TTLL10: variants seen among roughly 807,000 people sequenced by gnomAD.
The protein encoded by TTLL10 is tubulin tyrosine ligase like 10.
A neutral mutation model predicts 69.0 loss-of-function variants in TTLL10; 61 were observed. The ratio of observed to expected loss-of-function variants is 0.88; its 90% CI spans 0.72 to 1.09. The LOEUF is 1.09. TTLL10 is among the 50% of genes least tolerant of loss of function. The pLI is 0.00. For missense variants in TTLL10, 962 were observed against 945.9 expected (o/e 1.02, Z -0.22); for synonymous variants, 408 against 393.3 (o/e 1.04, Z -0.44).
intron 10 of TTLL10, 125 bp downstream of exon 10, chr1:1,182,571 G>A: frequency 9.4e-7 from 1 of 1,062,340 alleles, no homozygotes; most frequent in Non-Finnish European, 1.4e-6. Context: ...GACGAGACGA[G>A]GTGGTCAGGA....
rs113121529 is a variant in TTLL10 at position 1,185,962 on chromosome 1, G to A, written c.1401+853G>A. ...ACCTCAAAAAAGAAACACTACTAAC[G>A]AGCCATCACAGCTACATTGCCGGCC... On this transcript the variant is annotated intron_variant, in intron 13 of 15. Coordinates refer to ENST00000379289, the MANE Select transcript of TTLL10 (RefSeq NM_001130045.2). This position sits in a 1 kb window ranked among gnomAD's most constrained non-coding sequence, Gnocchi z 6.1. 187 of 465,376 alleles carry A rather than the reference G, an allele frequency of 4.0e-4. No individual in the cohort carries two copies. The highest frequency in any genetic ancestry group is 3.8e-3 in the African/African-American group (180 of 47,264). 28.8% of individuals were successfully genotyped at this position (465,376 alleles called of 1,614,324 possible).
In TTLL10 at chr1:1,182,947, G is replaced by A. The variant is rs1467593306; in HGVS notation, c.988G>A (p.Glu330Lys). The stretch of plus-strand genomic sequence containing the variant: ...AGGCATCTTCCTGCTCCGGAACCAG[G>A]AGGAAGTTGCCGCCCTGCAGGCCAA... Reference protein sequence around the residue: ...GKGIFLLRNQEEVAALQAKTR... With the variant: ...GKGIFLLRNQKEVAALQAKTR... The change falls in exon 11 of 16, where the codon GAG becomes AAG. Residue 330 changes from glutamate (E) to lysine (K), a missense_variant. Glu to Lys is a moderately conservative substitution (Grantham distance 56). Transcript: ENST00000379289. 1 of 1,602,310 alleles carries A rather than the reference G, an allele frequency of 6.2e-7. No individual in the cohort carries two copies. The highest frequency in any genetic ancestry group is 8.5e-7 in the Non-Finnish European group (1 of 1,175,124).
At chr1:1,194,142 C>G (rs1032942493) in intron 13 of TTLL10, among the ~76,000 whole-genome samples, 1 of 152,150 alleles carries the variant, frequency 6.6e-6, no homozygotes, top group African/African-American at 2.4e-5. Flanking sequence ...GGTGACAGAA[C>G]AAGACCCTGT....
chr1:1,185,359 A>G lies in TTLL10; in HGVS notation c.1401+250A>G, dbSNP rs1647241431. 7.4e-7 allele frequency: 1 copy of G among 1,352,530 alleles called. No individual in the cohort carries two copies. Among genetic ancestry groups the G allele is most frequent in the Admixed American group, 3.4e-5 (1 of 29,162 alleles). The allele number at this position is 1,352,530 out of a possible 1,614,324, so 83.8% of individuals were successfully genotyped here. The stretch of plus-strand genomic sequence containing the variant: ...GTCTGTCGGCACGAGTCCCGCGGGC[A>G]GCCTCGCCGTAGGGTCAGGGGACAG... On this transcript the variant is annotated intron_variant, in intron 13 of 15. Coordinates refer to ENST00000379289, the MANE Select transcript of TTLL10 (RefSeq NM_001130045.2). The surrounding 1 kb of genome is among the most constrained non-coding windows in gnomAD (Gnocchi z 6.1).
chr1:1,194,385 C>T (rs1233664514), intron 13 of TTLL10, among the ~76,000 whole-genome samples: 2 of 152,130 alleles, frequency 1.3e-5, no homozygotes, highest in Non-Finnish European at 1.5e-5. Context: ...AAAACAATCA[C>T]ATACAAAAAA....
chr1:1,184,983 G>A lies in TTLL10; in HGVS notation c.1275G>A (p.Lys425=), dbSNP rs745781510. 5 of 1,612,756 alleles carry A rather than the reference G, an allele frequency of 3.1e-6. No homozygotes were observed. In the East Asian group the frequency reaches 8.9e-5, roughly 29 times the overall value. Residue 425 remains lysine (K), a synonymous_variant, in exon 13 of 16, where the codon AAG becomes AAA. Coordinates refer to ENST00000379289, the MANE Select transcript of TTLL10 (RefSeq NM_001130045.2). The stretch of plus-strand genomic sequence containing the variant: ...TGTGCCCCCAGTTCATGCAGAAGAA[G>A]AGCCCTCTGTACATGCTGCTGAAGG... ...GHLTNQFMQK[K]SPLYMLLKEH...
chr1:1,194,252 CA>C (rs2100919985), intron 13 of TTLL10, among the ~76,000 whole-genome samples: 1 of 152,288 alleles, frequency 6.6e-6, no homozygotes, highest in East Asian at 1.9e-4. Flanking sequence ...TAAAAGTATA[CA>C]AAAACACTCC....
chr1:1,186,749 G>A (rs1647353055), intron 13 of TTLL10, among the ~76,000 whole-genome samples: 1 of 151,890 alleles, frequency 6.6e-6, no homozygotes, highest in African/African-American at 2.4e-5. Context: ...AACTTCATGT[G>A]TTCACTGGCC....
chr1:1,180,315 A>AT lies in TTLL10; in HGVS notation c.483dup (p.Gly162TrpfsTer23), dbSNP rs768310409. 13 of 1,582,368 alleles carry AT rather than the reference A, an allele frequency of 8.2e-6. No individual in the cohort carries two copies. The highest frequency in any genetic ancestry group is 9.4e-6 in the Non-Finnish European group (11 of 1,165,156). ...CACCCGGCCGGGGCCCTTCTTCTAC[A>AT]TTGGAGGCAGCAACGGGGCCACAAT... On this transcript the variant is annotated frameshift_variant, in exon 6 of 16. Coordinates refer to ENST00000379289, the MANE Select transcript of TTLL10 (RefSeq NM_001130045.2). LOFTEE classifies it high-confidence loss of function.
Position 1,197,074 on chromosome 1 carries a change from T to C in TTLL10, c.1519-19T>C. The C allele has an allele frequency of 6.4e-7, 1 of 1,550,932 alleles. No homozygotes were observed. Among genetic ancestry groups the C allele is most frequent in the Non-Finnish European group, 8.7e-7 (1 of 1,146,552 alleles). On this transcript the variant is annotated intron_variant, in intron 14 of 15. Transcript: ENST00000379289. The stretch of plus-strand genomic sequence containing the variant: ...CAGTGGGCTCGGGGTGAGGAGGGAC[T>C]GACTGGCGTCTGGGGCAGGTATGGC...
rs1647100586 is a variant in TTLL10, at chr1:1,182,415, CGA to C, written c.893_894del (p.Glu298GlyfsTer7). The part of the protein sequence containing the change: ...PETYRLDLKH[E>X]REAFFTLFDE... Reference sequence around the variant, plus strand: ...AGACCTACCGCCTGGACCTCAAACACGAGAGAGAGGCCTTTTTCACCTTGTTT... The same window carrying C: ...AGACCTACCGCCTGGACCTCAAACACGAGAGAGGCCTTTTTCACCTTGTTT... On this transcript the variant is annotated frameshift_variant, in exon 10 of 16. Coordinates refer to ENST00000379289, the MANE Select transcript of TTLL10 (RefSeq NM_001130045.2). LOFTEE classifies it high-confidence loss of function. 6.2e-7 allele frequency: 1 copy of C among 1,613,990 alleles called. No homozygotes were observed. Among genetic ancestry groups the C allele is most frequent in the Non-Finnish European group, 8.5e-7 (1 of 1,179,934 alleles).
chr1:1,186,644 T>C (rs4314833), intron 13 of TTLL10, among the ~76,000 whole-genome samples: 20,378 of 152,136 alleles, frequency 0.13, 2,496 homozygotes, highest in East Asian at 0.58. Context: ...TCGCCAACAC[T>C]TGTTATTTTC....
rs1259547809 is a variant in TTLL10 at position 1,179,493 on chromosome 1, C to T, written c.118+160C>T. On this transcript the variant is annotated intron_variant, in intron 4 of 15. Coordinates refer to ENST00000379289, the MANE Select transcript of TTLL10 (RefSeq NM_001130045.2). ...CTCCGAGAGAGGGGCCAGCTGTGGG[C>T]GCCGGGCTCTGCAGGCACAGAGGGG... 5 of 1,298,840 alleles carry T rather than the reference C, an allele frequency of 3.8e-6. No individual in the cohort carries two copies. The Admixed American group carries it at 6.4e-5, about 17-fold the overall frequency. The allele number at this position is 1,298,840 out of a possible 1,614,324, so 80.5% of individuals were successfully genotyped here.
Position 1,180,331 on chromosome 1 carries a change from G to A in TTLL10, c.497G>A (p.Gly166Glu), listed in dbSNP as rs1171868105. The A allele has an allele frequency of 1.3e-6, 2 of 1,571,908 alleles. No homozygotes were observed. Among genetic ancestry groups the A allele is most frequent in the African/African-American group, 2.7e-5 (2 of 73,848 alleles). ...GPFFYIGGSN[G>E]ATIISSYCKS... is the part of the protein sequence containing the mutation. ...TTCTTCTACATTGGAGGCAGCAACG[G>A]GGCCACAATGTGAGTAGCGGCCCTG... The change falls in exon 6 of 16, where the codon GGG (glycine) becomes GAG (glutamate). Residue 166 changes from glycine to glutamate, a missense_variant. By Grantham distance (98) the Gly-to-Glu change is moderately conservative. Transcript: ENST00000379289.
At chr1:1,193,034 T>A (rs1647939757) in intron 13 of TTLL10, among the ~76,000 whole-genome samples, 1 of 152,188 alleles carries the variant, frequency 6.6e-6, no homozygotes, top group South Asian at 2.1e-4. Flanking sequence ...TTAATATAAT[T>A]ACTGATAAAG....
intron 11 of TTLL10, among the ~76,000 whole-genome samples, chr1:1,183,447 C>T (rs982940320): frequency 6.6e-6 from 1 of 152,286 alleles, no homozygotes; most frequent in Admixed American, 6.5e-5. Context: ...CGTGGCTGCA[C>T]GAGGCTGAAG....
At position 1,181,593 on chromosome 1, in the gene TTLL10, C is replaced by T; in HGVS notation, c.756-148C>T. On this transcript the variant is annotated intron_variant, in intron 8 of 15. Coordinates refer to ENST00000379289, the MANE Select transcript of TTLL10 (RefSeq NM_001130045.2). The surrounding 1 kb of genome is among the most constrained non-coding windows in gnomAD (Gnocchi z 4.6). ...GCCTAGAGCAACACAGCTGTTTCCCCCAGGCACCGCCGTCCACCCAGCCAC... is the reference window on the plus strand; with the variant it reads ...GCCTAGAGCAACACAGCTGTTTCCCTCAGGCACCGCCGTCCACCCAGCCAC... 1 of 694,778 alleles carries T rather than the reference C, an allele frequency of 1.4e-6. No homozygotes were observed. The highest frequency in any genetic ancestry group is 1.9e-5 in the South Asian group (1 of 53,706). 43.0% of individuals were successfully genotyped at this position (694,778 alleles called of 1,614,324 possible). A position where few individuals can be genotyped will look rare whatever the true frequency, so the allele number is the denominator to read the frequency against.
chr1:1,181,377 C>G lies in TTLL10; in HGVS notation c.756-364C>G, dbSNP rs544884729. On this transcript the variant is annotated intron_variant, in intron 8 of 15. Transcript: ENST00000379289. This position sits in a 1 kb window ranked among gnomAD's most constrained non-coding sequence, Gnocchi z 4.6. ...CCCAAGTCTGGGCCATCCATCCTAG[C>G]GACTTCGTCCTCCTGCTCCCAGCCC... is the stretch of plus-strand genomic sequence containing the variant. 1.3e-5 allele frequency among the ~76,000 whole-genome samples: 2 copies of G among 152,046 alleles called. No homozygotes were observed. Among genetic ancestry groups the G allele is most frequent in the Non-Finnish European group, 2.9e-5 (2 of 68,008 alleles).
chr1:1,185,445 G>A lies in TTLL10; in HGVS notation c.1401+336G>A. On this transcript the variant is annotated intron_variant, in intron 13 of 15. Transcript: ENST00000379289. This position sits in a 1 kb window ranked among gnomAD's most constrained non-coding sequence, Gnocchi z 6.1. The stretch of plus-strand genomic sequence containing the variant: ...TTGTTCCTTTCAGATCCTCCACTTG[G>A]CAGGCAGGGCCAACAGCAGCCCCCG... 9.0e-7 allele frequency: 1 copy of A among 1,112,570 alleles called. No homozygotes were observed. The highest frequency in any genetic ancestry group is 3.3e-5 in the South Asian group (1 of 30,152). 68.9% of individuals were successfully genotyped at this position (1,112,570 alleles called of 1,614,324 possible).
Sources: allele counts gnomAD v4.1 joint callset (sites outside exome capture counted in the v4.1 genomes callset), GRCh38; gene constraint gnomAD v4.1.1; non-coding constraint Gnocchi (gnomAD v3.1); transcripts MANE v1.5; gene names NCBI Gene and HGNC (gene_info 2026-07-23, HGNC 2026-07-21).